Variants in FBF1 observed in about 807,000 individuals in gnomAD.
The protein encoded by FBF1 is fas-binding factor 1.
In FBF1, 119 loss-of-function variants were observed where a neutral mutation model predicts 147.2. The observed-to-expected ratio is 0.81, with a 90% CI of 0.70 to 0.94. The LOEUF is 0.94. Among genes scored for constraint, FBF1 ranks in the 40% least tolerant of loss-of-function variants. The pLI, the probability that FBF1 is intolerant of heterozygous loss-of-function variation, is 0.00. For missense variants in FBF1, 1,449 were observed against 1,500.8 expected (o/e 0.97, Z 0.57); for synonymous variants, 601 against 609.0 (o/e 0.99, Z 0.19).
chr17:75,917,692 G>A lies in FBF1; in HGVS notation c.2505+40C>T, dbSNP rs563273303. On this transcript the variant is annotated intron_variant, in intron 23 of 29. Transcript: ENST00000636174. ...GCGGGTGCCCTGGAGAAGAGGCCCC[G>A]TGGCAGGAGGGGCAGGAGGGCCAGG... The A allele has an allele frequency of 2.9e-3, 4,418 of 1,511,880 alleles. 9 individuals carry two copies. Among genetic ancestry groups the A allele is most frequent in the Middle Eastern group, 0.012 (51 of 4,274 alleles). The allele number at this position is 1,511,880 out of a possible 1,614,324, so 93.7% of individuals were successfully genotyped here.
chr17:75,910,507 G>A lies in FBF1; in HGVS notation c.*216C>T. The A allele has an allele frequency of 1.8e-6, 1 of 549,120 alleles. No homozygotes were observed. The highest frequency in any genetic ancestry group is 3.3e-6 in the Non-Finnish European group (1 of 307,478). 34.0% of individuals were successfully genotyped at this position (549,120 alleles called of 1,614,324 possible). A position where few individuals can be genotyped will look rare whatever the true frequency, so the allele number is the denominator to read the frequency against. ...TTTGGGGCAGGGCAGCCAAAGCCAT[G>A]GTAAGATAGCCTACACCACAGAGCC... On this transcript the variant is annotated 3_prime_UTR_variant, in exon 30 of 30. Transcript: ENST00000636174. This position sits in a 1 kb window ranked among gnomAD's most constrained non-coding sequence, Gnocchi z 4.1.
intron 1 of FBF1, among the ~76,000 whole-genome samples, chr17:75,938,555 C>CAAAAA (rs34602242): frequency 3.4e-5 from 2 of 58,866 alleles, no homozygotes; most frequent in Non-Finnish European, 3.2e-5. Flanking sequence ...GACTCCATCT[C>CAAAAA]AAAAAAAAAA....
intron 17 of FBF1, among the ~76,000 whole-genome samples, chr17:75,920,838 G>A (rs1040424601): frequency 6.6e-6 from 1 of 151,974 alleles, no homozygotes; most frequent in Admixed American, 6.5e-5. Flanking sequence ...CCTGGGGGGG[G>A]GGGGGGCACA....
At chr17:75,935,902 G>T (rs372106031) in intron 3 of FBF1, among the ~76,000 whole-genome samples, 4 of 152,200 alleles carry the variant, frequency 2.6e-5, no homozygotes, top group Admixed American at 2.6e-4. Context: ...CAGGCTGGGC[G>T]CAGTGGCTCA....
In FBF1 at chr17:75,909,970, G is replaced by A. The variant is rs984049424; in HGVS notation, c.*753C>T. 5 of 694,622 alleles carry A rather than the reference G, an allele frequency of 7.2e-6. No homozygotes were observed. Among genetic ancestry groups the A allele is most frequent in the East Asian group, 2.7e-5 (1 of 36,830 alleles). 43.0% of individuals were successfully genotyped at this position (694,622 alleles called of 1,614,324 possible). A position where few individuals can be genotyped will look rare whatever the true frequency, so the allele number is the denominator to read the frequency against. On this transcript the variant is annotated 3_prime_UTR_variant, in exon 30 of 30. Coordinates refer to ENST00000636174, the MANE Select transcript of FBF1 (RefSeq NM_001319193.2). ...CTCCACTGCGTACCCGCTGAGCTGG[G>A]CTTTGGGCAGGTGAGCAGCACAGAG...
intron 7 of FBF1, 79 bp downstream of exon 7, chr17:75,929,918 A>C: frequency 8.2e-7 from 1 of 1,218,488 alleles, no homozygotes; most frequent in Non-Finnish European, 1.2e-6. Flanking sequence ...TTAGAAGGAG[A>C]ATGAAGCTTT....
At chr17:75,915,893 A>G (rs1371692137) in intron 23 of FBF1, among the ~76,000 whole-genome samples, 1 of 151,228 alleles carries the variant, frequency 6.6e-6, no homozygotes, top group Non-Finnish European at 1.5e-5. Flanking sequence ...CTGTAATCCC[A>G]GTAGCTCAGG....
Position 75,915,127 on chromosome 17 carries a change from C to T in FBF1, c.2518G>A (p.Val840Met). ...TCCGCCTTGGACTGCTCGGCAGTCA[C>T]CCGCCAGCGTTCCTGTAGGGCCCAG... ...SRLLEQERWR[V>M]TAEQSKAESM... The change falls in exon 24 of 30, where the codon GTG becomes ATG. Residue 840 changes from valine (V) to methionine (M), a missense_variant. Val to Met is a conservative substitution (Grantham distance 21). Transcript: ENST00000636174. The T allele has an allele frequency of 1.2e-6, 2 of 1,609,488 alleles. No homozygotes were observed. The highest frequency in any genetic ancestry group is 1.7e-5 in the Admixed American group (1 of 59,788).
In FBF1 at chr17:75,937,601, G is replaced by T; in HGVS notation, c.4-8C>A. 1 of 1,613,882 alleles carries T rather than the reference G, an allele frequency of 6.2e-7. No homozygotes were observed. Among genetic ancestry groups the T allele is most frequent in the Non-Finnish European group, 8.5e-7 (1 of 1,179,860 alleles). Reference sequence around the variant, plus strand: ...TTTCTTGGTTTTTGGTGCCTAAAATGGGAAAAACAAATCACATCAAGAAAA... The same window carrying T: ...TTTCTTGGTTTTTGGTGCCTAAAATTGGAAAAACAAATCACATCAAGAAAA... On this transcript the variant is annotated splice_region_variant and splice_polypyrimidine_tract_variant and intron_variant, in intron 2 of 29. Transcript: ENST00000636174.
At chr17:75,936,531 C>T (rs1003081763) in intron 3 of FBF1, among the ~76,000 whole-genome samples, 3 of 151,520 alleles carry the variant, frequency 2.0e-5, no homozygotes, top group South Asian at 2.1e-4. Context: ...AAAAATTAGC[C>T]GGGCATGGTG....
chr17:75,939,565 A>T (rs899146684), intron 1 of FBF1, among the ~76,000 whole-genome samples: 4 of 152,058 alleles, frequency 2.6e-5, no homozygotes, highest in Non-Finnish European at 4.4e-5. Flanking sequence ...TTTTCTTTTT[A>T]AAATTTTTTT....
In FBF1 at chr17:75,913,976, GGCCT is replaced by G. The variant is rs1301781031; in HGVS notation, c.3062_3065del (p.Gln1021ProfsTer25). The G allele has an allele frequency of 6.4e-7, 1 of 1,562,336 alleles. No homozygotes were observed. Among genetic ancestry groups the G allele is most frequent in the East Asian group, 2.4e-5 (1 of 42,398 alleles). On this transcript the variant is annotated frameshift_variant, in exon 27 of 30. Coordinates refer to ENST00000636174, the MANE Select transcript of FBF1 (RefSeq NM_001319193.2). LOFTEE classifies it high-confidence loss of function. Reference sequence around the variant, plus strand: ...GCTGTTGCTGCACCGCCTGCAACCGGGCCTGCTGCTCTGCCTGCACCTGCTGGGC... The same window carrying G: ...GCTGTTGCTGCACCGCCTGCAACCGGGCTGCTCTGCCTGCACCTGCTGGGC...
At position 75,918,050 on chromosome 17, in the gene FBF1, T is replaced by G. The variant is rs1598153636; in HGVS notation, c.2267A>C (p.His756Pro). The stretch of plus-strand genomic sequence containing the variant: ...GCTGCTGGAGAACTTCTCCATCTGG[T>G]GGATGATGCTATTCAGGGACCTGGA... ...SHTRSLNSII[H>P]QMEKFSSSLH... Residue 756 changes from histidine to proline, a missense_variant, in exon 22 of 30, where the codon CAC (histidine) becomes CCC (proline). Coordinates refer to ENST00000636174, the MANE Select transcript of FBF1 (RefSeq NM_001319193.2). The surrounding 1 kb of genome is among the most constrained non-coding windows in gnomAD (Gnocchi z 5.8). The G allele has an allele frequency of 6.2e-7, 1 of 1,610,652 alleles. No individual in the cohort carries two copies. The highest frequency in any genetic ancestry group is 8.5e-7 in the Non-Finnish European group (1 of 1,178,060).
chr17:75,918,082 C>CTGGGT lies in FBF1; in HGVS notation c.2247-17_2247-13dup. The stretch of plus-strand genomic sequence containing the variant: ...TGCTATTCAGGGACCTGGAAGAAGA[C>CTGGGT]TGGGTCACCCCCTCCTGACGGTCTC... On this transcript the variant is annotated splice_polypyrimidine_tract_variant and intron_variant, in intron 21 of 29. Transcript: ENST00000636174. The surrounding 1 kb of genome is among the most constrained non-coding windows in gnomAD (Gnocchi z 5.8). 3 of 1,606,084 alleles carry CTGGGT rather than the reference C, an allele frequency of 1.9e-6. No individual in the cohort carries two copies. The highest frequency in any genetic ancestry group is 2.6e-6 in the Non-Finnish European group (3 of 1,175,100).
In FBF1 at chr17:75,909,690, G is replaced by C; in HGVS notation, c.*1033C>G. On this transcript the variant is annotated 3_prime_UTR_variant, in exon 30 of 30. Coordinates refer to ENST00000636174, the MANE Select transcript of FBF1 (RefSeq NM_001319193.2). ...CAGCTGCCAGGTGCCACCGCAGACC[G>C]CAGGTGCTGGAGGGGAGAGGCACGT... 1.7e-6 allele frequency: 1 copy of C among 573,446 alleles called. No homozygotes were observed. Among genetic ancestry groups the C allele is most frequent in the South Asian group, 2.3e-5 (1 of 43,642 alleles). 35.5% of individuals were successfully genotyped at this position (573,446 alleles called of 1,614,324 possible). A position where few individuals can be genotyped will look rare whatever the true frequency, so the allele number is the denominator to read the frequency against.
At position 75,919,612 on chromosome 17, in the gene FBF1, C is replaced by G. The variant is rs181700847; in HGVS notation, c.2138+56G>C. On this transcript the variant is annotated intron_variant, in intron 20 of 29. Coordinates refer to ENST00000636174, the MANE Select transcript of FBF1 (RefSeq NM_001319193.2). This position sits in a 1 kb window ranked among gnomAD's most constrained non-coding sequence, Gnocchi z 5.0. ...AGCGAAGGGTCTCGTGGGGATGGCTCTCTTCCGGCTACTCCTTGCAAGCCT... is the reference window on the plus strand; with the variant it reads ...AGCGAAGGGTCTCGTGGGGATGGCTGTCTTCCGGCTACTCCTTGCAAGCCT... 161 of 1,537,216 alleles carry G rather than the reference C, an allele frequency of 1.0e-4. No individual in the cohort carries two copies. The highest frequency in any genetic ancestry group is 1.1e-4 in the Non-Finnish European group (127 of 1,141,656).
chr17:75,937,575 C>A lies in FBF1; in HGVS notation c.22G>T (p.Gly8Ter), dbSNP rs746650293. Residue 8 changes from glycine (G) to a stop codon, truncating the protein, a stop_gained, in exon 3 of 30, where the codon GGA becomes TGA. Coordinates refer to ENST00000636174, the MANE Select transcript of FBF1 (RefSeq NM_001319193.2). LOFTEE classifies it high-confidence loss of function. Reference sequence around the variant, plus strand: ...CCATCTCTCCACTCACCTTTACATCCTTTCTTGGTTTTTGGTGCCTAAAAT... The same window carrying A: ...CCATCTCTCCACTCACCTTTACATCATTTCTTGGTTTTTGGTGCCTAAAAT... MAPKTKK[G>*]CKGSIDDFLG... 2 of 1,613,966 alleles carry A rather than the reference C, an allele frequency of 1.2e-6. No homozygotes were observed. The highest frequency in any genetic ancestry group is 2.2e-5 in the South Asian group (2 of 91,072).
At chr17:75,911,437 G>A (rs960608423) in intron 29 of FBF1, among the ~76,000 whole-genome samples, 1 of 152,124 alleles carries the variant, frequency 6.6e-6, no homozygotes, top group African/African-American at 2.4e-5. Context: ...GCCTCGACCA[G>A]CTGGGCTCAA....
At chr17:75,935,165 C>T in intron 4 of FBF1, among the ~76,000 whole-genome samples, 1 of 148,314 alleles carries the variant, frequency 6.7e-6, no homozygotes, top group African/African-American at 2.5e-5. Context: ...AATTACATCT[C>T]ATTTTTTTTT....
Sources: gnomAD v4.1 joint callset for allele counts (sites outside exome capture counted in the v4.1 genomes callset) on GRCh38, gnomAD v4.1.1 for gene constraint, Gnocchi (gnomAD v3.1) non-coding constraint, MANE v1.5 for transcripts, NCBI Gene and HGNC (gene_info 2026-07-23, HGNC 2026-07-21) for gene names.